The following TMPRSS9 variants were observed in gnomAD, a reference collection of about 807,000 sequenced individuals.
The protein encoded by TMPRSS9 is transmembrane serine protease 9.
In TMPRSS9, 113 loss-of-function variants were observed where a neutral mutation model predicts 111.4. The observed-to-expected ratio is 1.01, with a 90% CI of 0.87 to 1.19. The LOEUF (loss-of-function observed/expected upper bound fraction) is 1.19, where lower values mean the gene tolerates loss of function less well. TMPRSS9 is among the 50% of genes most tolerant of loss of function. The pLI is 0.00. For missense variants in TMPRSS9, 1,803 were observed against 1,513.1 expected, an observed-to-expected ratio of 1.19 and a Z score of -3.18; for synonymous variants, 805 against 659.1, an observed-to-expected ratio of 1.22 and a Z score of -3.39.
exon 2 of TMPRSS9, chr19:2,396,608 G>T: frequency 1.9e-6 from 3 of 1,607,122 alleles, no homozygotes; most frequent in Non-Finnish European, 2.5e-6. Flanking sequence ...TGGACCAGCA[G>T]TTTGCGGCGG....
intron 8 of TMPRSS9, among the ~76,000 whole-genome samples, chr19:2,409,133 A>C (rs1031203893): frequency 6.8e-6 from 1 of 147,198 alleles, no homozygotes; most frequent in Non-Finnish European, 1.5e-5. Flanking sequence ...CATCGATGCT[A>C]CTGCGATTTT....
At chr19:2,403,275 G>A (rs1033980566) in intron 6 of TMPRSS9, 80 bp downstream of exon 7, 1 of 1,232,050 alleles carries the variant, frequency 8.1e-7, no homozygotes, top group African/African-American at 1.5e-5. Context: ...TGTGGTCACT[G>A]TGCTTATTTC....
chr19:2,382,624 GCACACGTA>G (rs1020800910), intron 1 of TMPRSS9, among the ~76,000 whole-genome samples: 1 of 148,066 alleles, frequency 6.8e-6, no homozygotes. Flanking sequence ...ACACACAAAT[GCACACGTA>G]CACACAGACC....
intron 1 of TMPRSS9, among the ~76,000 whole-genome samples, chr19:2,377,419 G>A (rs1487785416): frequency 7.2e-6 from 1 of 139,304 alleles, no homozygotes; most frequent in South Asian, 2.4e-4. Flanking sequence ...ACAGGCATGA[G>A]CCACCACACC....
Position 2,396,483 on chromosome 19 carries a change from C to T in TMPRSS9, c.143-56C>T, listed in dbSNP as rs546923475. 1,532 of 1,518,478 alleles carry T rather than the reference C, an allele frequency of 1.0e-3. 2 individuals are homozygous for T. Among genetic ancestry groups the T allele is most frequent in the African/African-American group, 7.7e-3 (564 of 72,806 alleles). The allele number at this position is 1,518,478 out of a possible 1,614,324, so 94.1% of individuals were successfully genotyped here. A position where few individuals can be genotyped will look rare whatever the true frequency, so the allele number is the denominator to read the frequency against. Reference sequence around the variant, plus strand: ...GGGCGGGGCCTGGGTGGCAGCTCAGCGGAGCCCTGAGCCCCCAAAGGTGGG... The same window carrying T: ...GGGCGGGGCCTGGGTGGCAGCTCAGTGGAGCCCTGAGCCCCCAAAGGTGGG... On this transcript the variant is annotated intron_variant, in intron 1 of 17. Coordinates refer to ENST00000648592, the Ensembl canonical transcript of TMPRSS9.
Position 2,417,986 on chromosome 19 carries a change from GCT to G in TMPRSS9, c.2018-13_2018-12del. On this transcript the variant is annotated splice_polypyrimidine_tract_variant and intron_variant, in intron 12 of 17. Coordinates refer to ENST00000648592, the Ensembl canonical transcript of TMPRSS9. ...GATCACTGTGCACGTGGCCTTTCTG[GCT>G]CTTTCCCTGGTAGCCACCAAGCCCG... The G allele has an allele frequency of 6.2e-7, 1 of 1,611,434 alleles. No individual in the cohort carries two copies. The highest frequency in any genetic ancestry group is 2.2e-5 in the East Asian group (1 of 44,870).
At chr19:2,368,796 T>G (rs1309753200) in intron 1 of TMPRSS9, among the ~76,000 whole-genome samples, 2 of 123,928 alleles carry the variant, frequency 1.6e-5, no homozygotes, top group African/African-American at 7.3e-5. Flanking sequence ...TTTTTTTTTT[T>G]TTTTTAAAGA....
chr19:2,367,328 T>C (rs1407944212), intron 1 of TMPRSS9, among the ~76,000 whole-genome samples: 2 of 152,144 alleles, frequency 1.3e-5, no homozygotes, highest in Admixed American at 1.3e-4. Context: ...ATAGGAGAAA[T>C]GTGGCAATAA....
chr19:2,410,816 A>C (rs978688120), intron 9 of TMPRSS9, among the ~76,000 whole-genome samples: 1 of 152,138 alleles, frequency 6.6e-6, no homozygotes, highest in African/African-American at 2.4e-5. Context: ...GGGGACACAG[A>C]CACTGTTCCC....
At chr19:2,424,239 C>A in exon 15 of TMPRSS9, 1 of 1,400,914 alleles carries the variant, frequency 7.1e-7, no homozygotes, top group Non-Finnish European at 9.4e-7. Context: ...CTGCTGTCGG[C>A]GGCGCACTGC....
Position 2,367,561 on chromosome 19 carries a change from A to ATT in TMPRSS9, c.-26+7220_-26+7221dup, listed in dbSNP as rs35468320. 4.1e-3 allele frequency among the ~76,000 whole-genome samples: 531 copies of ATT among 129,596 alleles called. 7 individuals are homozygous for ATT. The highest frequency in any genetic ancestry group is 0.015 in the African/African-American group (495 of 32,588). The allele number at this position is 129,596 out of a possible 152,430, so 85.0% of individuals were successfully genotyped here. On this transcript the variant is annotated intron_variant, in intron 1 of 17. Coordinates refer to the TMPRSS9 transcript ENST00000649857. ...AGGTGTGCACCACCATGACTGGCTA[A>ATT]TTTTTTTTTTTTTTTTTTTTGAGAG...
At chr19:2,365,161 T>A (rs2145238039) in intron 1 of TMPRSS9, among the ~76,000 whole-genome samples, 1 of 152,258 alleles carries the variant, frequency 6.6e-6, no homozygotes, top group African/African-American at 2.4e-5. Flanking sequence ...CGTTTTCCTC[T>A]GGGTCCCTTA....
At chr19:2,384,812 C>CAAA (rs1176243923), upstream of TMPRSS9, among the ~76,000 whole-genome samples, 45 of 94,360 alleles carry the variant, frequency 4.8e-4, no homozygotes, top group African/African-American at 1.7e-3. Flanking sequence ...AAGGCTCCGT[C>CAAA]AAAAAAAAAA....
chr19:2,425,872 G>C, intron 17 of TMPRSS9, 55 bp from the exon 19 acceptor site: 1 of 1,528,700 alleles, frequency 6.5e-7, no homozygotes, highest in Non-Finnish European at 8.7e-7. Flanking sequence ...ATGACCCAAG[G>C]GCTGCTGTAG....
upstream of TMPRSS9, among the ~76,000 whole-genome samples, chr19:2,387,693 C>T (rs1163200872): frequency 3.3e-5 from 5 of 151,534 alleles, no homozygotes; most frequent in Admixed American, 2.0e-4. Flanking sequence ...TGCAGTGAGC[C>T]GAGATCGCAC....
chr19:2,372,625 G>C, intron 1 of TMPRSS9, among the ~76,000 whole-genome samples: 1 of 152,222 alleles, frequency 6.6e-6, no homozygotes, highest in East Asian at 1.9e-4. Flanking sequence ...TAAAACGCTC[G>C]CTTGTCTGAG....
intron 1 of TMPRSS9, among the ~76,000 whole-genome samples, chr19:2,375,724 C>G (rs780909303): frequency 6.6e-6 from 1 of 152,138 alleles, no homozygotes; most frequent in African/African-American, 2.4e-5. Context: ...GCACCATGAT[C>G]GACCACCCCA....
upstream of TMPRSS9, among the ~76,000 whole-genome samples, chr19:2,387,064 C>A (rs1441121960): frequency 6.7e-6 from 1 of 150,228 alleles, no homozygotes; most frequent in Non-Finnish European, 1.5e-5. Context: ...CCACAAAAAA[C>A]AGAAAAATGA....
At chr19:2,370,623 C>G (rs2145245785) in intron 1 of TMPRSS9, among the ~76,000 whole-genome samples, 1 of 152,156 alleles carries the variant, frequency 6.6e-6, no homozygotes, top group African/African-American at 2.4e-5. Context: ...GCCACCACGC[C>G]CAGCCAGAAA....
Sources: gnomAD v4.1 joint callset for allele counts (sites outside exome capture counted in the v4.1 genomes callset) on GRCh38, gnomAD v4.1.1 for gene constraint, MANE v1.5 for transcripts, NCBI Gene and HGNC (gene_info 2026-07-23, HGNC 2026-07-21) for gene names.